The following DAB1 variants were observed in gnomAD, a reference collection of about 807,000 sequenced individuals.
DAB1 encodes DAB adaptor protein 1.
DAB1 carries 15 observed loss-of-function variants against 64.6 expected under a neutral mutation model. That is an observed-to-expected ratio of 0.23 (90% CI 0.16 to 0.36). The LOEUF (loss-of-function observed/expected upper bound fraction) is 0.36. Ranked by LOEUF, DAB1 falls within the 10% of genes least tolerant of loss-of-function variation. The pLI is 1.00. For synonymous variants in DAB1, 235 were observed against 251.9 expected (o/e 0.93, Z 0.64); for missense variants, 596 against 706.7 (o/e 0.84, Z 1.78).
At chr1:58,265,556 C>G (rs1013393752) in intron 4 of DAB1, among the ~76,000 whole-genome samples, 1 of 152,196 alleles carries the variant, frequency 6.6e-6, no homozygotes, top group Non-Finnish European at 1.5e-5. Context: ...TTTATTAACT[C>G]CTCTAATCAA....
chr1:57,765,199 C>T (rs914441344), intron 6 of DAB1, among the ~76,000 whole-genome samples: 1 of 152,104 alleles, frequency 6.6e-6, no homozygotes, highest in African/African-American at 2.4e-5. Context: ...CCAAAGAGCA[C>T]AAACTTTTAA....
intron 2 of DAB1, among the ~76,000 whole-genome samples, chr1:57,200,647 TTAATAA>T (rs1280405861): frequency 1.3e-5 from 2 of 152,170 alleles, no homozygotes; most frequent in Non-Finnish European, 2.9e-5. Context: ...TGCCTGGAAC[TTAATAA>T]TAAGAATGCA....
chr1:57,918,562 C>A (rs577659486), intron 5 of DAB1, among the ~76,000 whole-genome samples: 2 of 152,272 alleles, frequency 1.3e-5, no homozygotes, highest in East Asian at 3.9e-4. Context: ...CGGTGGCTCA[C>A]ACCTGTAATC....
chr1:57,183,961 A>G (rs1475020841), intron 2 of DAB1, among the ~76,000 whole-genome samples: 4 of 152,174 alleles, frequency 2.6e-5, no homozygotes, highest in African/African-American at 9.6e-5. Context: ...AGTAGACAAG[A>G]TTGATGTTGG....
chr1:58,375,864 G>C (rs1157513251), intron 3 of DAB1, among the ~76,000 whole-genome samples: 2 of 145,814 alleles, frequency 1.4e-5, no homozygotes, highest in East Asian at 2.0e-4. Flanking sequence ...TTCAGCTCCT[G>C]TTATTGGTCT....
chr1:57,845,067 A>G (rs912920639), intron 1 of DAB1, among the ~76,000 whole-genome samples: 1 of 152,134 alleles, frequency 6.6e-6, no homozygotes, highest in Non-Finnish European at 1.5e-5. Flanking sequence ...CCTGGTTGGT[A>G]TATCTTCCCA....
intron 1 of DAB1, among the ~76,000 whole-genome samples, chr1:57,369,858 C>T (rs556790013): frequency 6.6e-6 from 1 of 152,322 alleles, no homozygotes; most frequent in South Asian, 2.1e-4. Context: ...TCATCCTGAT[C>T]TTAATCCATG....
chr1:57,342,923 G>C (rs1162673338), intron 1 of DAB1, among the ~76,000 whole-genome samples: 1 of 152,220 alleles, frequency 6.6e-6, no homozygotes, highest in Non-Finnish European at 1.5e-5. Context: ...GACCCAAAGA[G>C]TGAGCAGCAG....
intron 1 of DAB1, among the ~76,000 whole-genome samples, chr1:57,879,633 G>A (rs1301333060): frequency 6.6e-6 from 1 of 152,096 alleles, no homozygotes; most frequent in Non-Finnish European, 1.5e-5. Context: ...ATCAAGCCTA[G>A]TTTTCAGCAC....
chr1:57,273,549 G>T (rs145842196), intron 2 of DAB1, among the ~76,000 whole-genome samples: 771 of 74,796 alleles, frequency 0.01, 6 homozygotes, highest in South Asian at 0.014. Context: ...CTGCCTGCCT[G>T]CCTGCCTTCC....
chr1:57,617,445 G>A (rs757305659), intron 7 of DAB1, among the ~76,000 whole-genome samples: 14 of 151,928 alleles, frequency 9.2e-5, no homozygotes, highest in South Asian at 2.1e-4. Context: ...CAAGTACCCC[G>A]TCTCAAGCCC....
chr1:57,311,744 C>T (rs1476875998), intron 1 of DAB1, among the ~76,000 whole-genome samples: 4 of 152,286 alleles, frequency 2.6e-5, no homozygotes, highest in Middle Eastern at 3.4e-3. Context: ...AGGCAAAGGT[C>T]ATCAGTGGAC....
intron 4 of DAB1, among the ~76,000 whole-genome samples, chr1:58,299,568 T>C (rs1195196883): frequency 6.6e-6 from 1 of 152,146 alleles, no homozygotes; most frequent in African/African-American, 2.4e-5. Context: ...TATGGGGTGA[T>C]TCCTCAAAAA....
intron 1 of DAB1, among the ~76,000 whole-genome samples, chr1:57,314,928 A>C (rs1477792910): frequency 6.6e-6 from 1 of 152,202 alleles, no homozygotes; most frequent in African/African-American, 2.4e-5. Context: ...TCCCTGATCC[A>C]TTGAGATATC....
chr1:57,233,460 T>G (rs1667854930), intron 2 of DAB1, among the ~76,000 whole-genome samples: 1 of 151,482 alleles, frequency 6.6e-6, no homozygotes, highest in African/African-American at 2.4e-5. Context: ...CTTAACAAAC[T>G]TATTTTAAAC....
At position 57,239,494 on chromosome 1, in the gene DAB1, A is replaced by C. The variant is rs1173198369; in HGVS notation, c.67+51470T>G. Among the ~76,000 whole-genome samples, 7 of 152,130 alleles carry C rather than the reference A, an allele frequency of 4.6e-5. No homozygotes were observed. In the South Asian group the frequency reaches 1.5e-3, roughly 32 times the overall value. ...ATGACCATGGATATATAAATAAACAATATCTAGCTGATTTAGGCAATGGGG... is the reference window on the plus strand; with the variant it reads ...ATGACCATGGATATATAAATAAACACTATCTAGCTGATTTAGGCAATGGGG... On this transcript the variant is annotated intron_variant, in intron 2 of 14. Transcript: ENST00000371236.
chr1:57,336,763 A>T (rs1473243106), intron 1 of DAB1, among the ~76,000 whole-genome samples: 1 of 152,216 alleles, frequency 6.6e-6, no homozygotes, highest in African/African-American at 2.4e-5. Context: ...TGTTGATTAC[A>T]GTAATTGTCC....
At chr1:58,537,477 A>G (rs1319633188) in intron 1 of DAB1, among the ~76,000 whole-genome samples, 1 of 152,232 alleles carries the variant, frequency 6.6e-6, no homozygotes, top group African/African-American at 2.4e-5. Flanking sequence ...CTAGGTATTC[A>G]TAAGAAAGTG....
intron 5 of DAB1, among the ~76,000 whole-genome samples, chr1:57,990,086 G>A (rs1313965838): frequency 6.6e-6 from 1 of 152,144 alleles, no homozygotes; most frequent in Admixed American, 6.5e-5. Flanking sequence ...AAAGACTGCA[G>A]AGGGAGGAAG....
Sources: allele counts gnomAD v4.1 joint callset (sites outside exome capture counted in the v4.1 genomes callset), GRCh38; gene constraint gnomAD v4.1.1; transcripts MANE v1.5; gene names NCBI Gene and HGNC (gene_info 2026-07-23, HGNC 2026-07-21).